Variants in RAB18 observed in about 807,000 individuals in gnomAD.
RAB18 encodes the protein RAB18, member RAS oncogene family.
Under a neutral mutation model 28.5 loss-of-function variants are expected in RAB18, and 10 were observed. That is an observed-to-expected ratio of 0.35 (90% CI 0.22 to 0.60). RAB18 has a LOEUF of 0.60. Ranked by LOEUF, RAB18 falls within the 20% of genes least tolerant of loss-of-function variation. RAB18 has a pLI of 0.78. For missense variants in RAB18, 188 were observed against 244.2 expected, an observed-to-expected ratio of 0.77 and a Z score of 1.53; for synonymous variants, 93 against 86.9, an observed-to-expected ratio of 1.07 and a Z score of -0.39.
intron 2 of RAB18, among the ~76,000 whole-genome samples, chr10:27,517,475 C>A (rs1214310047): frequency 6.6e-6 from 1 of 152,092 alleles, no homozygotes; most frequent in Non-Finnish European, 1.5e-5. Flanking sequence ...ATTGGACTAA[C>A]AAAATCAGCA....
At chr10:27,527,423 C>G (rs996366974) in intron 3 of RAB18, among the ~76,000 whole-genome samples, 1 of 151,952 alleles carries the variant, frequency 6.6e-6, no homozygotes, top group Non-Finnish European at 1.5e-5. Flanking sequence ...CTAGCTAGAC[C>G]GCTCATGCTA....
intron 1 of RAB18, chr10:27,504,761 T>C (rs749347886): frequency 5.1e-6 from 3 of 592,692 alleles, no homozygotes; most frequent in South Asian, 4.5e-5. Flanking sequence ...GCGGGCTGGT[T>C]TGGGCCCGAA....
chr10:27,533,074 C>T (rs544086103), intron 4 of RAB18, among the ~76,000 whole-genome samples: 1 of 151,932 alleles, frequency 6.6e-6, no homozygotes, highest in Admixed American at 6.5e-5. Flanking sequence ...CTTGATATTC[C>T]TGGGAAACTG....
chr10:27,506,946 C>T (rs1320183335), intron 1 of RAB18, among the ~76,000 whole-genome samples: 1 of 151,918 alleles, frequency 6.6e-6, no homozygotes, highest in Non-Finnish European at 1.5e-5. Context: ...GAAAGGATTA[C>T]ATATAGTGAG....
chr10:27,504,624 T>A (rs1837760795), intron 1 of RAB18, 187 bp downstream of exon 1: 1 of 773,506 alleles, frequency 1.3e-6, no homozygotes, highest in African/African-American at 1.7e-5. Flanking sequence ...CACCCGCGCC[T>A]GCCTGGTTCC....
At chr10:27,512,295 T>A (rs182367525) in intron 2 of RAB18, among the ~76,000 whole-genome samples, 130 of 151,596 alleles carry the variant, frequency 8.6e-4, no homozygotes, top group Non-Finnish European at 3.5e-4. Context: ...TAATAATAAT[T>A]ATTATTATTT....
rs1229880619 is a variant in RAB18 at position 27,539,345 on chromosome 10, C to G, written c.*1294C>G. Reference sequence around the variant, plus strand: ...TTCTGGGCAGTTTGTTCTCTGTATACAATTGCAAATGATAAGCATTTTTGT... The same window carrying G: ...TTCTGGGCAGTTTGTTCTCTGTATAGAATTGCAAATGATAAGCATTTTTGT... On this transcript the variant is annotated 3_prime_UTR_variant, in exon 7 of 7. Transcript: ENST00000356940. 1.0e-5 allele frequency: 3 copies of G among 297,846 alleles called. No individual in the cohort carries two copies. 18.5% of individuals were successfully genotyped at this position (297,846 alleles called of 1,614,324 possible).
chr10:27,506,723 G>T (rs926217715), intron 1 of RAB18, among the ~76,000 whole-genome samples: 2 of 152,090 alleles, frequency 1.3e-5, no homozygotes, highest in African/African-American at 4.8e-5. Flanking sequence ...CTCCTAAAGT[G>T]CTGGGATTAC....
In RAB18 at chr10:27,504,304, A is replaced by G; in HGVS notation, c.-66A>G. The stretch of plus-strand genomic sequence containing the variant: ...GAGCGGCGCGCATGCGCAGCAGCTC[A>G]CTCTGCTGAAGGGCTGAGAGGCGCA... On this transcript the variant is annotated 5_prime_UTR_variant, in exon 1 of 7. Transcript: ENST00000356940. The G allele has an allele frequency of 6.8e-7, 1 of 1,465,890 alleles. No individual in the cohort carries two copies. Among genetic ancestry groups the G allele is most frequent in the African/African-American group, 1.4e-5 (1 of 71,840 alleles). The allele number at this position is 1,465,890 out of a possible 1,614,324, so 90.8% of individuals were successfully genotyped here. A position where few individuals can be genotyped will look rare whatever the true frequency, so the allele number is the denominator to read the frequency against.
In RAB18 at chr10:27,538,173, G is replaced by A; in HGVS notation, c.*122G>A. 1 of 1,307,712 alleles carries A rather than the reference G, an allele frequency of 7.6e-7. No homozygotes were observed. Among genetic ancestry groups the A allele is most frequent in the Non-Finnish European group, 1.1e-6 (1 of 920,222 alleles). The allele number at this position is 1,307,712 out of a possible 1,614,324, so 81.0% of individuals were successfully genotyped here. A position where few individuals can be genotyped will look rare whatever the true frequency, so the allele number is the denominator to read the frequency against. ...CACATAATTGTTTTATATCATAGCA[G>A]TAAATATTTGCAAGAAATCCCACTC... On this transcript the variant is annotated 3_prime_UTR_variant, in exon 7 of 7. Coordinates refer to ENST00000356940, the MANE Select transcript of RAB18 (RefSeq NM_021252.5).
intron 2 of RAB18, among the ~76,000 whole-genome samples, chr10:27,515,242 C>T (rs570581576): frequency 1.1e-4 from 17 of 152,138 alleles, no homozygotes; most frequent in Admixed American, 8.5e-4. Flanking sequence ...AAATTAGATC[C>T]TGTAGAAATT....
At chr10:27,525,757 A>G (rs1424939019) in intron 2 of RAB18, among the ~76,000 whole-genome samples, 1 of 152,204 alleles carries the variant, frequency 6.6e-6, no homozygotes, top group Non-Finnish European at 1.5e-5. Flanking sequence ...CACATTTTGA[A>G]TGTGCATTTT....
In RAB18 at chr10:27,542,177, T is replaced by TC. The variant is rs1328676893; in HGVS notation, c.*4126_*4127insC. On this transcript the variant is annotated 3_prime_UTR_variant, in exon 7 of 7. Coordinates refer to ENST00000356940, the MANE Select transcript of RAB18 (RefSeq NM_021252.5). ...ACTTCTGGATCAAATTGGACCTGAA[T>TC]TGAGATCTATTTCTCAGCTTTCACT... The TC allele has an allele frequency of 2.2e-6, 1 of 454,126 alleles. No homozygotes were observed. Among genetic ancestry groups the TC allele is most frequent in the East Asian group, 6.9e-5 (1 of 14,392 alleles). 28.1% of individuals were successfully genotyped at this position (454,126 alleles called of 1,614,324 possible).
At chr10:27,517,107 A>C (rs1442247008) in intron 2 of RAB18, among the ~76,000 whole-genome samples, 1 of 152,218 alleles carries the variant, frequency 6.6e-6, no homozygotes, top group Non-Finnish European at 1.5e-5. Context: ...TCACACCTGT[A>C]ATCCCAGCAC....
chr10:27,525,789 A>G (rs1264268821), intron 2 of RAB18, among the ~76,000 whole-genome samples: 3 of 152,210 alleles, frequency 2.0e-5, no homozygotes, highest in African/African-American at 2.4e-5. Flanking sequence ...TTGTATATGT[A>G]ATGGATCACC....
At position 27,540,869 on chromosome 10, in the gene RAB18, T is replaced by C. The variant is rs1835010528; in HGVS notation, c.*2818T>C. ...CTTGCATGGTCAAGAGACATGATTC[T>C]CTACTAAGGGTGGGGCTAGCACCAT... On this transcript the variant is annotated 3_prime_UTR_variant, in exon 7 of 7. Transcript: ENST00000356940. The C allele has an allele frequency of 2.2e-6, 1 of 454,126 alleles. No individual in the cohort carries two copies. The highest frequency in any genetic ancestry group is 4.4e-6 in the Non-Finnish European group (1 of 226,782). The allele number at this position is 454,126 out of a possible 1,614,324, so 28.1% of individuals were successfully genotyped here. A position where few individuals can be genotyped will look rare whatever the true frequency, so the allele number is the denominator to read the frequency against.
intron 2 of RAB18, among the ~76,000 whole-genome samples, chr10:27,524,051 G>A (rs1367702184): frequency 6.6e-6 from 1 of 151,774 alleles, no homozygotes; most frequent in Non-Finnish European, 1.5e-5. Flanking sequence ...CTGCACTCCA[G>A]CCTGGCCAAC....
At chr10:27,514,773 G>GT (rs201643129) in intron 2 of RAB18, among the ~76,000 whole-genome samples, 62 of 146,176 alleles carry the variant, frequency 4.2e-4, no homozygotes, top group Middle Eastern at 3.7e-3. Context: ...TTGTTTTTTT[G>GT]TTTTTTTTTT....
In RAB18 at chr10:27,506,614, A is replaced by G. The variant is rs566785021; in HGVS notation, c.68+2177A>G. On this transcript the variant is annotated intron_variant, in intron 1 of 6. Coordinates refer to ENST00000356940, the MANE Select transcript of RAB18 (RefSeq NM_021252.5). Reference sequence around the variant, plus strand: ...TAGGAACATAAGCATGAGCCACCACAACCGGCCCTACTTCTAAAATTTTTT... The same window carrying G: ...TAGGAACATAAGCATGAGCCACCACGACCGGCCCTACTTCTAAAATTTTTT... Among the ~76,000 whole-genome samples, 367 of 152,196 alleles carry G rather than the reference A, an allele frequency of 2.4e-3. 2 individuals carry two copies. Among genetic ancestry groups the G allele is most frequent in the South Asian group, 5.2e-3 (25 of 4,820 alleles).
Sources: gnomAD v4.1 joint callset for allele counts (sites outside exome capture counted in the v4.1 genomes callset) on GRCh38, gnomAD v4.1.1 for gene constraint, MANE v1.5 for transcripts, NCBI Gene and HGNC (gene_info 2026-07-23, HGNC 2026-07-21) for gene names.